TF: variants seen among roughly 807,000 people sequenced by gnomAD.
TF encodes transferrin.
In TF, 55 loss-of-function variants were observed where a neutral mutation model predicts 82.4. That is an observed-to-expected ratio of 0.67 (90% CI 0.54 to 0.84). The LOEUF is 0.84. Ranked by LOEUF, TF falls within the 40% of genes least tolerant of loss-of-function variation. TF has a pLI of 0.00. For missense variants in TF, 737 were observed against 868.4 expected (o/e 0.85, Z 1.90); for synonymous variants, 332 against 332.6 (o/e 1.00, Z 0.02).
chr3:133,741,175 A>T (rs909309746), upstream of TF, among the ~76,000 whole-genome samples: 3 of 151,704 alleles, frequency 2.0e-5, no homozygotes, highest in East Asian at 5.8e-4. Context: ...TATTTTTAGT[A>T]GAGAAGGGGT....
chr3:133,758,559 A>C (rs1175470616), intron 8 of TF, among the ~76,000 whole-genome samples: 1 of 152,244 alleles, frequency 6.6e-6, no homozygotes, highest in Admixed American at 6.5e-5. Flanking sequence ...ACAAAGTAAG[A>C]GATATGTTTA....
At chr3:133,746,535 T>G in intron 1 of TF, 52 bp downstream of exon 1, 1 of 1,557,040 alleles carries the variant, frequency 6.4e-7, no homozygotes, top group East Asian at 2.4e-5. Context: ...GCGCGTTCCC[T>G]GCAACCCGGG....
At chr3:133,677,937 T>C in the TF span, among the ~76,000 whole-genome samples, 25 of 152,200 alleles carry the variant, frequency 1.6e-4, no homozygotes, top group Non-Finnish European at 3.1e-4. Flanking sequence ...GGTATACACA[T>C]GCCATGGTGG....
chr3:133,759,141 C>G, intron 8 of TF, 34 bp from the exon 9 acceptor site: 12 of 1,613,620 alleles, frequency 7.4e-6, no homozygotes, highest in Non-Finnish European at 1.0e-5. Flanking sequence ...CAGCTAGGGC[C>G]GCTTCTGATC....
rs940549631 is a variant in TF at position 133,790,962 on chromosome 3, G to A, written c.*12342G>A. On this transcript the variant is annotated 3_prime_UTR_variant, in exon 17 of 17. Transcript: ENST00000402696. ...TTGAGAAGGAAAAATTTAGGGTTGG[G>A]TTCCTATTTGTTTTTGCTTCTAATT... 1.3e-5 allele frequency: 2 copies of A among 151,956 alleles called. No homozygotes were observed. Among genetic ancestry groups the A allele is most frequent in the African/African-American group, 4.8e-5 (2 of 41,366 alleles). 9.4% of individuals were successfully genotyped at this position (151,956 alleles called of 1,614,324 possible).
rs370144239 is a variant in TF, at chr3:133,766,274, G to T, written c.1331-4G>T. Reference sequence around the variant, plus strand: ...TACATCCTTTTCTGGTGTCTTTCTTGTAGGGTATTTTGCTATAGCAGTGGT... The same window carrying T: ...TACATCCTTTTCTGGTGTCTTTCTTTTAGGGTATTTTGCTATAGCAGTGGT... On this transcript the variant is annotated splice_region_variant and splice_polypyrimidine_tract_variant and intron_variant, in intron 11 of 16. Transcript: ENST00000402696. The T allele has an allele frequency of 2.5e-6, 4 of 1,613,994 alleles. No individual in the cohort carries two copies. The highest frequency in any genetic ancestry group is 2.7e-5 in the African/African-American group (2 of 74,918).
At chr3:133,743,866 C>T (rs188235142), upstream of TF, among the ~76,000 whole-genome samples, 1 of 152,184 alleles carries the variant, frequency 6.6e-6, no homozygotes, top group Non-Finnish European at 1.5e-5. Flanking sequence ...GCACCCCATA[C>T]AGCTAGGGCC....
At chr3:133,741,228 G>A (rs144961464), upstream of TF, among the ~76,000 whole-genome samples, 4 of 151,924 alleles carry the variant, frequency 2.6e-5, no homozygotes, top group East Asian at 7.7e-4. Context: ...CTGACCTCAG[G>A]TGATGCTGCC....
At position 133,788,042 on chromosome 3, in the gene TF, A is replaced by C. The variant is rs1165707958; in HGVS notation, c.*9422A>C. ...ATTCTAGATCAGAATATTCCTATTT[A>C]GAAGACAGTTTAAGATAAACCATGT... On this transcript the variant is annotated 3_prime_UTR_variant, in exon 17 of 17. Transcript: ENST00000402696. 1 of 152,228 alleles carries C rather than the reference A, an allele frequency of 6.6e-6. No individual in the cohort carries two copies. The highest frequency in any genetic ancestry group is 6.5e-5 in the Admixed American group (1 of 15,282). The allele number at this position is 152,228 out of a possible 1,614,324, so 9.4% of individuals were successfully genotyped here. A position where few individuals can be genotyped will look rare whatever the true frequency, so the allele number is the denominator to read the frequency against.
chr3:133,721,914 G>C, the TF span, among the ~76,000 whole-genome samples: 1 of 152,038 alleles, frequency 6.6e-6, no homozygotes, highest in African/African-American at 2.4e-5. Context: ...GGGTCTGGCT[G>C]TGTCACCCAT....
At chr3:133,722,682 C>A in the TF span, among the ~76,000 whole-genome samples, 1 of 152,096 alleles carries the variant, frequency 6.6e-6, no homozygotes, top group Non-Finnish European at 1.5e-5. Flanking sequence ...TTTTCCTTCC[C>A]ACAGTTAATA....
chr3:133,734,464 G>C, the TF span, among the ~76,000 whole-genome samples: 1 of 152,236 alleles, frequency 6.6e-6, no homozygotes, highest in East Asian at 1.9e-4. Context: ...CCTCCAATTG[G>C]CCACATGTGC....
At chr3:133,709,922 A>G in the TF span, among the ~76,000 whole-genome samples, 1 of 152,228 alleles carries the variant, frequency 6.6e-6, no homozygotes, top group African/African-American at 2.4e-5. Flanking sequence ...ATGTCTCACA[A>G]ATGGCTCAGG....
In TF at chr3:133,783,462, T is replaced by TA. The variant is rs1301144392; in HGVS notation, c.*4845dup. 2 of 152,200 alleles carry TA rather than the reference T, an allele frequency of 1.3e-5. No homozygotes were observed. The highest frequency in any genetic ancestry group is 4.8e-5 in the African/African-American group (2 of 41,466). 9.4% of individuals were successfully genotyped at this position (152,200 alleles called of 1,614,324 possible). On this transcript the variant is annotated 3_prime_UTR_variant, in exon 17 of 17. Coordinates refer to ENST00000402696, the MANE Select transcript of TF (RefSeq NM_001063.4). ...TTAAAGTAAAAACTTTCGAAACGTATAAAGGTTTAAATATAAAATTAAAAT... is the reference window on the plus strand; with the variant it reads ...TTAAAGTAAAAACTTTCGAAACGTATAAAAGGTTTAAATATAAAATTAAAAT...
chr3:133,700,345 A>G, the TF span: 1 of 152,342 alleles, frequency 6.6e-6, no homozygotes, highest in Non-Finnish European at 1.5e-5. Flanking sequence ...GCTGTGAGCT[A>G]TGTCAGGAGT....
rs765353846 is a variant in TF, at chr3:133,787,059, T to C, written c.*8439T>C. ...GAAATTGCCAAAGGTAATATGCTAGTGTGTTCATACTTGGACATTTCACTT... is the reference window on the plus strand; with the variant it reads ...GAAATTGCCAAAGGTAATATGCTAGCGTGTTCATACTTGGACATTTCACTT... On this transcript the variant is annotated 3_prime_UTR_variant, in exon 17 of 17. Coordinates refer to ENST00000402696, the MANE Select transcript of TF (RefSeq NM_001063.4). 6.6e-6 allele frequency: 1 copy of C among 152,260 alleles called. No homozygotes were observed. The highest frequency in any genetic ancestry group is 1.5e-5 in the Non-Finnish European group (1 of 68,078). The allele number at this position is 152,260 out of a possible 1,614,324, so 9.4% of individuals were successfully genotyped here.
chr3:133,690,972 A>G, the TF span, among the ~76,000 whole-genome samples: 2 of 152,160 alleles, frequency 1.3e-5, no homozygotes, highest in African/African-American at 4.8e-5. Context: ...ATTTAATTAG[A>G]GTCCTAACTT....
rs1270759197 is a variant in TF at position 133,781,959 on chromosome 3, G to A, written c.*3339G>A. The stretch of plus-strand genomic sequence containing the variant: ...AAGAACTCATACAACTCAATAGCAG[G>A]AAAACAAATGATCCCAGTTAAAAAT... On this transcript the variant is annotated 3_prime_UTR_variant, in exon 17 of 17. Coordinates refer to ENST00000402696, the MANE Select transcript of TF (RefSeq NM_001063.4). 6.6e-6 allele frequency: 1 copy of A among 151,984 alleles called. No homozygotes were observed. Among genetic ancestry groups the A allele is most frequent in the Non-Finnish European group, 1.5e-5 (1 of 67,998 alleles). 9.4% of individuals were successfully genotyped at this position (151,984 alleles called of 1,614,324 possible).
At chr3:133,763,787 C>G (rs1019864794) in intron 9 of TF, among the ~76,000 whole-genome samples, 2 of 152,224 alleles carry the variant, frequency 1.3e-5, no homozygotes, top group Non-Finnish European at 2.9e-5. Flanking sequence ...TAGAGCCCCC[C>G]TTCAGAAGGT....
Sources: allele counts gnomAD v4.1 joint callset (sites outside exome capture counted in the v4.1 genomes callset), GRCh38; gene constraint gnomAD v4.1.1; transcripts MANE v1.5; gene names NCBI Gene and HGNC (gene_info 2026-07-23, HGNC 2026-07-21).